The following CLIC2 variants were observed in gnomAD, a reference collection of about 807,000 sequenced individuals.
CLIC2 encodes CLIC family member 2.
A neutral mutation model predicts 14.8 loss-of-function variants in CLIC2; 9 were observed. The observed-to-expected ratio is 0.61, with a 90% confidence interval of 0.37 to 1.06. The LOEUF is 1.06. Among genes scored for constraint, CLIC2 ranks in the 50% least tolerant of loss-of-function variants. The pLI, the probability that CLIC2 is intolerant of heterozygous loss-of-function variation, is 0.01. For synonymous variants in CLIC2, 61 were observed against 66.3 expected (o/e 0.92, Z 0.39); for missense variants, 148 against 181.4 (o/e 0.82, Z 1.06).
chrX:155,330,298 C>A (rs1557322696), intron 1 of CLIC2, among the ~76,000 whole-genome samples: 1 of 111,310 alleles, frequency 9.0e-6, no homozygotes, highest in African/African-American at 3.3e-5. Context: ...ATATTCCATG[C>A]AACCCATAAA....
chrX:155,283,524 C>T (rs1343901541), intron 3 of CLIC2, among the ~76,000 whole-genome samples: 1 of 111,370 alleles, frequency 9.0e-6, no homozygotes. Flanking sequence ...TGGTGTGCTG[C>T]GCCCATTAGG....
At position 155,277,826 on chromosome X, in the gene CLIC2, A is replaced by C; in HGVS notation, c.*77T>G. 1.1e-6 allele frequency: 1 copy of C among 894,230 alleles called. No individual in the cohort carries two copies. Among genetic ancestry groups the C allele is most frequent in the Non-Finnish European group, 1.6e-6 (1 of 615,357 alleles). The allele number at this position is 894,230 out of a possible 1,213,427, so 73.7% of individuals were successfully genotyped here. A position where few individuals can be genotyped will look rare whatever the true frequency, so the allele number is the denominator to read the frequency against. On this transcript the variant is annotated 3_prime_UTR_variant, in exon 6 of 6. Coordinates refer to ENST00000369449, the MANE Select transcript of CLIC2 (RefSeq NM_001289.6). ...AAGAAACAGTATTTTTCATATTCTT[A>C]TTTGCAAAAACCTTTCTAATATGTC...
intron 3 of CLIC2, among the ~76,000 whole-genome samples, chrX:155,281,233 G>A (rs1472801232): frequency 2.8e-5 from 3 of 108,622 alleles, no homozygotes; most frequent in Non-Finnish European, 5.7e-5. Context: ...AGAGGGAGAT[G>A]TAGGTCGAAG....
intron 1 of CLIC2, among the ~76,000 whole-genome samples, chrX:155,299,458 G>T (rs187402964): frequency 5.2e-4 from 57 of 110,569 alleles, no homozygotes; most frequent in African/African-American, 1.8e-3. Context: ...AACATTTCTG[G>T]GCATATAGCT....
At chrX:155,311,117 A>G (rs964141496) in intron 1 of CLIC2, among the ~76,000 whole-genome samples, 3 of 112,287 alleles carry the variant, frequency 2.7e-5, no homozygotes, top group African/African-American at 9.7e-5. Context: ...GGTGATTAAC[A>G]TTCTGCTCCT....
chrX:155,334,276 C>G, intron 1 of CLIC2, 95 bp downstream of exon 1: 2 of 702,244 alleles, frequency 2.8e-6, no homozygotes, highest in Non-Finnish European at 4.6e-6. Flanking sequence ...TCTTTCCTAT[C>G]TCTAGCCCAA....
At chrX:155,279,796 A>G (rs1310306251) in intron 4 of CLIC2, among the ~76,000 whole-genome samples, 166 bp downstream of exon 4, 2 of 111,712 alleles carry the variant, frequency 1.8e-5, no homozygotes, top group African/African-American at 6.5e-5. Context: ...TGAGTTCTAA[A>G]TCTAATACAA....
At chrX:155,322,599 C>A (rs142799354) in intron 1 of CLIC2, among the ~76,000 whole-genome samples, 1 of 111,298 alleles carries the variant, frequency 9.0e-6, no homozygotes, top group Non-Finnish European at 1.9e-5. Flanking sequence ...CATCAGAAAG[C>A]GGGAAAGATT....
At chrX:155,319,986 G>A (rs782688819) in intron 1 of CLIC2, among the ~76,000 whole-genome samples, 14 of 112,711 alleles carry the variant, frequency 1.2e-4, no homozygotes, top group Non-Finnish European at 2.4e-4. Flanking sequence ...CGGCAAAGCC[G>A]CTGTAGCCAG....
rs782168662 is a variant in CLIC2, at chrX:155,283,085, T to G, written c.294-3017A>C. On this transcript the variant is annotated intron_variant, in intron 3 of 5. Transcript: ENST00000369449. ...CTTCAGGCCCGACCCAGAACTAAGCTGGCTTCTTCAACCCCAGATTTTGGG... is the reference window on the plus strand; with the variant it reads ...CTTCAGGCCCGACCCAGAACTAAGCGGGCTTCTTCAACCCCAGATTTTGGG... Among the ~76,000 whole-genome samples the G allele has an allele frequency of 2.7e-5, 3 of 112,114 alleles. No homozygotes were observed. The South Asian group carries it at 1.1e-3, about 42-fold the overall frequency.
At chrX:155,313,887 G>A (rs2075083982) in intron 1 of CLIC2, among the ~76,000 whole-genome samples, 1 of 111,750 alleles carries the variant, frequency 8.9e-6, no homozygotes, top group Non-Finnish European at 1.9e-5. Flanking sequence ...CAGGCTGCAT[G>A]GGTGCGGGAT....
intron 3 of CLIC2, among the ~76,000 whole-genome samples, chrX:155,285,761 G>A (rs1176852541): frequency 2.7e-5 from 3 of 110,932 alleles, no homozygotes; most frequent in African/African-American, 6.6e-5. Flanking sequence ...ATGAAATTAC[G>A]GAGCTATCAT....
At chrX:155,306,125 C>T (rs782410260) in intron 1 of CLIC2, among the ~76,000 whole-genome samples, 3 of 111,328 alleles carry the variant, frequency 2.7e-5, no homozygotes, top group Non-Finnish European at 5.7e-5. Context: ...GATATTTGTC[C>T]CCTCCAAATC....
intron 1 of CLIC2, among the ~76,000 whole-genome samples, chrX:155,322,320 C>T (rs2075118652): frequency 8.9e-6 from 1 of 111,779 alleles, no homozygotes; most frequent in South Asian, 3.7e-4. Context: ...AAACACTCCT[C>T]AGCAAATGCA....
intron 1 of CLIC2, among the ~76,000 whole-genome samples, chrX:155,306,167 G>A (rs1190751693): frequency 1.8e-5 from 2 of 111,886 alleles, no homozygotes; most frequent in Non-Finnish European, 3.8e-5. Context: ...AATGTTGGAG[G>A]TGGGGCCTGG....
chrX:155,307,617 G>T (rs2075060453), intron 1 of CLIC2, among the ~76,000 whole-genome samples: 1 of 112,081 alleles, frequency 8.9e-6, no homozygotes, highest in African/African-American at 3.2e-5. Flanking sequence ...AAGTGTGGTG[G>T]CTCATGCCTG....
At chrX:155,332,811 A>C (rs1557322953) in intron 1 of CLIC2, among the ~76,000 whole-genome samples, 1 of 112,593 alleles carries the variant, frequency 8.9e-6, no homozygotes. Context: ...GAAGATAAAC[A>C]CATAGGTGAA....
At chrX:155,288,026 T>C (rs5983873) in intron 3 of CLIC2, among the ~76,000 whole-genome samples, 153 of 112,021 alleles carry the variant, frequency 1.4e-3, no homozygotes, top group African/African-American at 4.9e-3. Context: ...GTGAATGGGA[T>C]TGCCTTCCCA....
At chrX:155,320,114 G>A (rs1427619699) in intron 1 of CLIC2, among the ~76,000 whole-genome samples, 7 of 112,356 alleles carry the variant, frequency 6.2e-5, no homozygotes, top group Non-Finnish European at 1.3e-4. Context: ...AGGGGGAAGG[G>A]GTGGCTGTGG....
Sources: allele counts gnomAD v4.1 joint callset (sites outside exome capture counted in the v4.1 genomes callset), GRCh38; gene constraint gnomAD v4.1.1; transcripts MANE v1.5; gene names NCBI Gene and HGNC (gene_info 2026-07-23, HGNC 2026-07-21).